Variants in STMN2 observed in about 807,000 individuals in gnomAD.
The protein encoded by STMN2 is stathmin 2, also known as stathmin-2.
In STMN2, 2 loss-of-function variants were observed where a neutral mutation model predicts 24.1. The observed-to-expected ratio is 0.08, with a 90% CI of 0.03 to 0.26. The LOEUF is 0.26. Among genes scored for constraint, STMN2 ranks in the 10% least tolerant of loss-of-function variants. The probability of loss-of-function intolerance (pLI) is 1.00; values close to 1 mark genes in which losing one functional copy is unlikely to be tolerated. For synonymous variants in STMN2, 83 were observed against 77.5 expected, an observed-to-expected ratio of 1.07 and a Z score of -0.37; for missense variants, 114 against 213.6, an observed-to-expected ratio of 0.53 and a Z score of 2.91.
Position 79,664,915 on chromosome 8 carries a change from C to T in STMN2, c.*41C>T. ...GGCACGCCCCACCAATAGTAAATCC[C>T]CCTGCCTATATTATAATGGATCATG... is the stretch of plus-strand genomic sequence containing the variant. On this transcript the variant is annotated 3_prime_UTR_variant, in exon 5 of 5. Transcript: ENST00000220876. The T allele has an allele frequency of 6.3e-7, 1 of 1,595,326 alleles. No individual in the cohort carries two copies. The highest frequency in any genetic ancestry group is 2.3e-5 in the East Asian group (1 of 44,328).
intron 3 of STMN2, among the ~76,000 whole-genome samples, chr8:79,647,117 T>C (rs1444983818): frequency 1.3e-5 from 2 of 152,240 alleles, no homozygotes; most frequent in Non-Finnish European, 2.9e-5. Context: ...TTCGTTGCCC[T>C]GGACCCATTT....
At chr8:79,636,399 G>A (rs1216203677) in intron 1 of STMN2, among the ~76,000 whole-genome samples, 1 of 152,082 alleles carries the variant, frequency 6.6e-6, no homozygotes, top group Non-Finnish European at 1.5e-5. Flanking sequence ...TAGCCCTCCG[G>A]AATCTTACTT....
chr8:79,615,240 T>C (rs1462253621), intron 1 of STMN2, among the ~76,000 whole-genome samples: 1 of 152,220 alleles, frequency 6.6e-6, no homozygotes, highest in Non-Finnish European at 1.5e-5. Flanking sequence ...CAATCACCAT[T>C]ATTTTTTACT....
chr8:79,641,064 A>G (rs911768604), intron 2 of STMN2, among the ~76,000 whole-genome samples: 2 of 152,202 alleles, frequency 1.3e-5, no homozygotes, highest in Non-Finnish European at 2.9e-5. Context: ...GTTCAAAAGG[A>G]AAATAAAGCT....
chr8:79,625,235 T>C (rs1450617017), intron 1 of STMN2, among the ~76,000 whole-genome samples: 1 of 152,230 alleles, frequency 6.6e-6, no homozygotes, highest in East Asian at 1.9e-4. Flanking sequence ...TTTTCTCTTA[T>C]ACCCAACTAT....
At chr8:79,645,698 A>ATAGGATGTACTGTAAGTAG (rs1810202870) in intron 3 of STMN2, among the ~76,000 whole-genome samples, 1 of 152,188 alleles carries the variant, frequency 6.6e-6, no homozygotes, top group South Asian at 2.1e-4. Context: ...ACTGTAAGTA[A>ATAGGATGTACTGTAAGTAG]TAGGATCTTC....
intron 4 of STMN2, chr8:79,663,732 A>C: frequency 1.6e-6 from 2 of 1,248,044 alleles, no homozygotes; most frequent in South Asian, 3.0e-5. Flanking sequence ...AATTCAATGA[A>C]CATTTATTTA....
intron 1 of STMN2, among the ~76,000 whole-genome samples, chr8:79,624,430 G>T (rs1234329976): frequency 7.0e-6 from 1 of 142,214 alleles, no homozygotes; most frequent in Non-Finnish European, 1.5e-5. Flanking sequence ...CTCCAGCCTG[G>T]GCGACAGAGC....
chr8:79,662,883 C>T (rs1416008948), intron 4 of STMN2, among the ~76,000 whole-genome samples: 1 of 152,050 alleles, frequency 6.6e-6, no homozygotes, highest in Non-Finnish European at 1.5e-5. Context: ...CAGAGCTCAG[C>T]TCTCACTAAT....
At position 79,620,187 on chromosome 8, in the gene STMN2, AAT is replaced by A. The variant is rs895673704; in HGVS notation, c.19+8982_19+8983del. Among the ~76,000 whole-genome samples the A allele has an allele frequency of 2.0e-4, 29 of 148,134 alleles. 1 individual carries two copies. Among genetic ancestry groups the A allele is most frequent in the African/African-American group, 5.1e-4 (21 of 40,850 alleles). ...ATATTATATATATATTATAACATAT[AAT>A]ATATATATTACATATAATAAAGTTG... On this transcript the variant is annotated intron_variant, in intron 1 of 4. Transcript: ENST00000220876.
At chr8:79,620,159 T>TATATATTATATATATATTATAACATATA in intron 1 of STMN2, among the ~76,000 whole-genome samples, 1 of 148,200 alleles carries the variant, frequency 6.7e-6, no homozygotes, top group East Asian at 1.9e-4. Flanking sequence ...ACAGGTCTAA[T>TATATATTATATATATATTATAACATATA]ATATATTATA....
At chr8:79,653,334 G>A (rs902103674) in intron 3 of STMN2, among the ~76,000 whole-genome samples, 5 of 152,102 alleles carry the variant, frequency 3.3e-5, no homozygotes, top group African/African-American at 9.7e-5. Context: ...CAGAGATCAC[G>A]CCACTGTACT....
At chr8:79,617,762 G>T (rs909764674) in intron 1 of STMN2, among the ~76,000 whole-genome samples, 9 of 152,310 alleles carry the variant, frequency 5.9e-5, no homozygotes, top group Middle Eastern at 3.4e-3. Flanking sequence ...CCGCAATGGT[G>T]CTTTCTTTCA....
intron 3 of STMN2, 45 bp downstream of exon 3, chr8:79,641,595 T>TC (rs1563442360): frequency 6.6e-7 from 1 of 1,522,124 alleles, no homozygotes; most frequent in African/African-American, 1.5e-5. Flanking sequence ...CCTCCCCTGC[T>TC]CCTCCCTCTC....
intron 1 of STMN2, among the ~76,000 whole-genome samples, chr8:79,623,612 A>G (rs929801934): frequency 1.3e-5 from 2 of 152,236 alleles, no homozygotes; most frequent in Admixed American, 6.5e-5. Flanking sequence ...AAAAATGCTC[A>G]ATATTTTTTC....
At chr8:79,655,280 A>G (rs1477605320) in intron 4 of STMN2, among the ~76,000 whole-genome samples, 1 of 152,114 alleles carries the variant, frequency 6.6e-6, no homozygotes, top group African/African-American at 2.4e-5. Context: ...AATTTTGTCA[A>G]ATTTTCCCAT....
chr8:79,611,954 C>T (rs1428166642), intron 1 of STMN2, among the ~76,000 whole-genome samples: 33 of 144,774 alleles, frequency 2.3e-4, no homozygotes, highest in African/African-American at 8.6e-4. Flanking sequence ...ACAGCGGCTT[C>T]GAAGGCGCTG....
At position 79,637,000 on chromosome 8, in the gene STMN2, G is replaced by T. The variant is rs1809978892; in HGVS notation, c.115+103G>T. On this transcript the variant is annotated intron_variant, in intron 2 of 4. Transcript: ENST00000220876. ...CCTGATATAATTACATCAATATTTT[G>T]TAGCTCTCACTATTGACTTGCCGTG... The T allele has an allele frequency of 2.8e-6, 3 of 1,076,066 alleles. No homozygotes were observed. The South Asian group carries it at 4.3e-5, about 15-fold the overall frequency. 66.7% of individuals were successfully genotyped at this position (1,076,066 alleles called of 1,614,324 possible). A position where few individuals can be genotyped will look rare whatever the true frequency, so the allele number is the denominator to read the frequency against.
At chr8:79,640,383 C>T (rs934762038) in intron 2 of STMN2, among the ~76,000 whole-genome samples, 1 of 152,178 alleles carries the variant, frequency 6.6e-6, no homozygotes, top group Admixed American at 6.5e-5. Context: ...CTGTGCCTAG[C>T]TTATTTCACT....
Sources: allele counts gnomAD v4.1 joint callset (sites outside exome capture counted in the v4.1 genomes callset), GRCh38; gene constraint gnomAD v4.1.1; transcripts MANE v1.5; gene names NCBI Gene and HGNC (gene_info 2026-07-23, HGNC 2026-07-21).